PBX3: variants seen among roughly 807,000 people sequenced by gnomAD.
PBX3 encodes pre-B-cell leukemia transcription factor 3.
In PBX3, 14 loss-of-function variants were observed where a neutral mutation model predicts 48.5. The observed-to-expected ratio is 0.29, with a 90% CI of 0.19 to 0.45. The LOEUF (loss-of-function observed/expected upper bound fraction) is 0.45. PBX3 is among the 20% of genes least tolerant of loss of function. The pLI, the probability that PBX3 is intolerant of heterozygous loss-of-function variation, is 1.00. For synonymous variants in PBX3, 210 were observed against 200.3 expected (o/e 1.05, Z -0.41); for missense variants, 386 against 546.7 (o/e 0.71, Z 2.93).
intron 5 of PBX3, among the ~76,000 whole-genome samples, chr9:125,955,191 T>A (rs1564190127): frequency 6.6e-6 from 1 of 152,052 alleles, no homozygotes; most frequent in Non-Finnish European, 1.5e-5. Flanking sequence ...AGGCTCCGTT[T>A]CAGCTCTGTC....
intron 2 of PBX3, among the ~76,000 whole-genome samples, chr9:125,816,435 T>C (rs557118546): frequency 6.6e-6 from 1 of 152,378 alleles, no homozygotes; most frequent in South Asian, 2.1e-4. Context: ...TTTAGTTGTC[T>C]TCAATTGTTA....
intron 2 of PBX3, among the ~76,000 whole-genome samples, chr9:125,848,267 A>G (rs1468580062): frequency 2.0e-5 from 3 of 152,010 alleles, no homozygotes; most frequent in Non-Finnish European, 4.4e-5. Context: ...AAATCACCTC[A>G]AGGTATAGTC....
chr9:125,935,623 T>TGG lies in PBX3; in HGVS notation c.843+18_843+19dup, dbSNP rs749336688. ...AGTGTCACAGGTGAGAAAGGACCCA[T>TGG]GGGTCTGTCTTGTTCCCTGTGGAGA... On this transcript the variant is annotated intron_variant, in intron 5 of 8. Transcript: ENST00000373489. 1 of 1,613,228 alleles carries TGG rather than the reference T, an allele frequency of 6.2e-7. No individual in the cohort carries two copies. Among genetic ancestry groups the TGG allele is most frequent in the South Asian group, 1.1e-5 (1 of 91,002 alleles).
intron 1 of PBX3, chr9:125,748,128 C>T (rs910382521): frequency 1.0e-5 from 6 of 575,316 alleles, no homozygotes; most frequent in Admixed American, 6.3e-5. Flanking sequence ...GCCAAGTTCT[C>T]GGAGAGGGAG....
At chr9:125,816,005 T>A (rs1838449805) in intron 2 of PBX3, among the ~76,000 whole-genome samples, 1 of 152,004 alleles carries the variant, frequency 6.6e-6, no homozygotes, top group Non-Finnish European at 1.5e-5. Flanking sequence ...CGTCTCTCTC[T>A]CTCTCTTTTT....
intron 2 of PBX3, among the ~76,000 whole-genome samples, chr9:125,819,858 T>G (rs566435082): frequency 1.2e-4 from 18 of 152,358 alleles, no homozygotes; most frequent in African/African-American, 4.3e-4. Context: ...AAAACAACTC[T>G]GAGCTTTTTT....
chr9:125,807,093 C>T (rs970149771), intron 2 of PBX3, among the ~76,000 whole-genome samples: 4 of 152,184 alleles, frequency 2.6e-5, no homozygotes, highest in African/African-American at 9.7e-5. Context: ...GAGGCTGAGG[C>T]GATGAGATCA....
chr9:125,882,920 G>A (rs962619146), intron 2 of PBX3, among the ~76,000 whole-genome samples: 2 of 152,186 alleles, frequency 1.3e-5, no homozygotes, highest in African/African-American at 4.8e-5. Context: ...TGTTGTTTTA[G>A]AGAAGTATTT....
chr9:125,748,806 C>T lies in PBX3; in HGVS notation c.274+183C>T, dbSNP rs1368286844. ...ATCTGGAGTCAATTTCTCAGTTCTG[C>T]TCCTGGTGTAAAATGAAGTGTAGGT... On this transcript the variant is annotated intron_variant, in intron 2 of 8. Coordinates refer to ENST00000373489, the MANE Select transcript of PBX3 (RefSeq NM_006195.6). The T allele has an allele frequency of 1.4e-5, 7 of 504,946 alleles. No individual in the cohort carries two copies. In the East Asian group the frequency reaches 1.6e-4, roughly 11 times the overall value. The allele number at this position is 504,946 out of a possible 1,614,324, so 31.3% of individuals were successfully genotyped here.
At chr9:125,878,191 A>G (rs1840300045) in intron 2 of PBX3, among the ~76,000 whole-genome samples, 1 of 152,178 alleles carries the variant, frequency 6.6e-6, no homozygotes, top group Admixed American at 6.5e-5. Context: ...CAGCTCAAGG[A>G]TTTGTCTGAG....
intron 2 of PBX3, among the ~76,000 whole-genome samples, chr9:125,849,543 T>C (rs1227643983): frequency 6.6e-6 from 1 of 151,986 alleles, no homozygotes; most frequent in Non-Finnish European, 1.5e-5. Context: ...CCATGTTTCA[T>C]TGATTCTAAG....
chr9:125,789,660 A>C (rs1349751479), intron 2 of PBX3, among the ~76,000 whole-genome samples: 3 of 152,150 alleles, frequency 2.0e-5, no homozygotes, highest in African/African-American at 7.2e-5. Context: ...GAAGTCATTA[A>C]GATCAGTCCA....
intron 2 of PBX3, among the ~76,000 whole-genome samples, chr9:125,828,576 A>C (rs1838870916): frequency 6.6e-6 from 1 of 152,178 alleles, no homozygotes; most frequent in Non-Finnish European, 1.5e-5. Context: ...GGAAAAAATA[A>C]GATTGGTCAG....
chr9:125,783,600 A>G (rs1195093251), intron 2 of PBX3, among the ~76,000 whole-genome samples: 3 of 152,100 alleles, frequency 2.0e-5, no homozygotes, highest in Non-Finnish European at 2.9e-5. Context: ...CCCTTTTTGC[A>G]GTTTTAATCT....
At chr9:125,928,421 TG>T (rs1234161026) in intron 3 of PBX3, among the ~76,000 whole-genome samples, 6 of 147,152 alleles carry the variant, frequency 4.1e-5, no homozygotes, top group East Asian at 1.9e-4. Context: ...TGTGTGTGTG[TG>T]TTTTTGTGTA....
At chr9:125,849,055 T>C in intron 2 of PBX3, among the ~76,000 whole-genome samples, 1 of 152,034 alleles carries the variant, frequency 6.6e-6, no homozygotes, top group Admixed American at 6.6e-5. Context: ...GTAGAATTTC[T>C]GTTTTCTTTA....
At chr9:125,748,226 C>G in intron 1 of PBX3, 1 of 1,026,850 alleles carries the variant, frequency 9.7e-7, no homozygotes, top group Non-Finnish European at 1.2e-6. Flanking sequence ...CGCGGGAGCC[C>G]CTCCGCACCC....
chr9:125,830,498 A>G (rs1217863403), intron 2 of PBX3, among the ~76,000 whole-genome samples: 1 of 152,118 alleles, frequency 6.6e-6, no homozygotes, highest in African/African-American at 2.4e-5. Flanking sequence ...GGTGTTTTAT[A>G]TTTGTGTATC....
chr9:125,811,255 G>T (rs1838281728), intron 2 of PBX3, among the ~76,000 whole-genome samples: 1 of 152,194 alleles, frequency 6.6e-6, no homozygotes, highest in Non-Finnish European at 1.5e-5. Flanking sequence ...ATATACCATA[G>T]ACTGGGTGGC....
Sources: allele counts gnomAD v4.1 joint callset (sites outside exome capture counted in the v4.1 genomes callset), GRCh38; gene constraint gnomAD v4.1.1; transcripts MANE v1.5; gene names NCBI Gene and HGNC (gene_info 2026-07-23, HGNC 2026-07-21).